The following SULF1 variants were observed in gnomAD, a reference collection of about 807,000 sequenced individuals.
The protein encoded by SULF1 is extracellular sulfatase Sulf-1.
In SULF1, 46 loss-of-function variants were observed where a neutral mutation model predicts 110.5. That is an observed-to-expected ratio of 0.42 (90% CI 0.33 to 0.53). SULF1 has a LOEUF of 0.53. SULF1 is among the 20% of genes least tolerant of loss of function. The pLI, the probability that SULF1 is intolerant of heterozygous loss-of-function variation, is 0.12. For missense variants in SULF1, 941 were observed against 1,094.2 expected, an observed-to-expected ratio of 0.86 and a Z score of 1.98; for synonymous variants, 371 against 387.1, an observed-to-expected ratio of 0.96 and a Z score of 0.49.
At chr8:69,497,771 G>C (rs1390627138) in intron 2 of SULF1, among the ~76,000 whole-genome samples, 1 of 152,168 alleles carries the variant, frequency 6.6e-6, no homozygotes, top group East Asian at 1.9e-4. Context: ...ACAACCAAGA[G>C]AGTTAAGTTC....
At chr8:69,547,956 C>A (rs1814401019) in intron 3 of SULF1, among the ~76,000 whole-genome samples, 1 of 152,098 alleles carries the variant, frequency 6.6e-6, no homozygotes, top group South Asian at 2.1e-4. Context: ...GTGCTTGGAA[C>A]TTAATCCAGC....
At chr8:69,572,870 C>T (rs1261647443) in intron 5 of SULF1, among the ~76,000 whole-genome samples, 1 of 152,192 alleles carries the variant, frequency 6.6e-6, no homozygotes, top group African/African-American at 2.4e-5. Context: ...CTTTGTCCCC[C>T]AGGCTGAAGT....
chr8:69,488,363 G>A (rs1273956996), upstream of SULF1, among the ~76,000 whole-genome samples: 1 of 152,156 alleles, frequency 6.6e-6, no homozygotes, highest in African/African-American at 2.4e-5. Context: ...TTTGCCTCTA[G>A]GCAGGACTAC....
At chr8:69,649,250 G>T (rs1812149218) in intron 22 of SULF1, among the ~76,000 whole-genome samples, 1 of 152,060 alleles carries the variant, frequency 6.6e-6, no homozygotes, top group Admixed American at 6.5e-5. Context: ...TTGCTTTATT[G>T]TTTTTTCTTG....
intron 3 of SULF1, among the ~76,000 whole-genome samples, chr8:69,504,068 G>A (rs1810997609): frequency 6.6e-6 from 1 of 152,064 alleles, no homozygotes; most frequent in African/African-American, 2.4e-5. Context: ...AAAGTGCTGG[G>A]ATTACAGGCG....
At position 69,660,182 on chromosome 8, in the gene SULF1, C is replaced by CT. The variant is rs544287044; in HGVS notation, c.*1653dup. The CT allele has an allele frequency of 2.6e-5, 4 of 152,098 alleles. No homozygotes were observed. In the East Asian group the frequency reaches 5.8e-4, roughly 22 times the overall value. The allele number at this position is 152,098 out of a possible 1,614,324, so 9.4% of individuals were successfully genotyped here. A position where few individuals can be genotyped will look rare whatever the true frequency, so the allele number is the denominator to read the frequency against. The stretch of plus-strand genomic sequence containing the variant: ...AGATCTAAAGATCTTTTATTTTCAT[C>CT]TTTTTTGGTTTTCTTGGCATGACTA... On this transcript the variant is annotated 3_prime_UTR_variant, in exon 23 of 23. Coordinates refer to ENST00000402687, the MANE Select transcript of SULF1 (RefSeq NM_001128205.2).
At chr8:69,569,489 A>AT (rs762420834) in intron 5 of SULF1, among the ~76,000 whole-genome samples, 2 of 152,228 alleles carry the variant, frequency 1.3e-5, no homozygotes, top group Non-Finnish European at 2.9e-5. Context: ...GGACACTGGG[A>AT]TCCCCCACTA....
intron 3 of SULF1, among the ~76,000 whole-genome samples, chr8:69,560,184 C>A (rs776212878): frequency 3.3e-5 from 5 of 152,136 alleles, no homozygotes; most frequent in Admixed American, 6.5e-5. Flanking sequence ...CTCTAGAGAC[C>A]TAGCACCAAG....
At chr8:69,627,182 T>C (rs372241003) in intron 15 of SULF1, 28 bp from the exon 16 acceptor site, 1 of 1,536,554 alleles carries the variant, frequency 6.5e-7, no homozygotes, top group African/African-American at 1.4e-5. Flanking sequence ...TATAAACCTA[T>C]TTCACATGGT....
rs542183949 is a variant in SULF1, at chr8:69,657,104, C to T, written c.2586-1401C>T. On this transcript the variant is annotated intron_variant, in intron 22 of 22. Coordinates refer to ENST00000402687, the MANE Select transcript of SULF1 (RefSeq NM_001128205.2). ...GGTTCTTTTATTTCATGGATTTATA[C>T]TATTTACAACCCTCCTGGTTTAAGA... Among the ~76,000 whole-genome samples the T allele has an allele frequency of 7.2e-5, 11 of 152,278 alleles. No homozygotes were observed. The South Asian group carries it at 2.1e-3, about 29-fold the overall frequency.
At chr8:69,491,923 C>A (rs879139533), upstream of SULF1, among the ~76,000 whole-genome samples, 3 of 151,478 alleles carry the variant, frequency 2.0e-5, no homozygotes, top group Non-Finnish European at 4.4e-5. Context: ...GTGGGGGAGG[C>A]GGGATTTGAA....
At chr8:69,486,331 A>G (rs2150548399) in intron 1 of SULF1, among the ~76,000 whole-genome samples, 2 of 152,274 alleles carry the variant, frequency 1.3e-5, no homozygotes, top group South Asian at 4.1e-4. Context: ...TTAAAAAAAA[A>G]AAATCACAAA....
chr8:69,514,132 C>A (rs1811763178), intron 3 of SULF1, among the ~76,000 whole-genome samples: 1 of 152,144 alleles, frequency 6.6e-6, no homozygotes, highest in Non-Finnish European at 1.5e-5. Flanking sequence ...GTATTCTACC[C>A]CAGATTGTAT....
intron 15 of SULF1, among the ~76,000 whole-genome samples, chr8:69,626,500 G>A (rs906007683): frequency 3.9e-5 from 6 of 152,254 alleles, no homozygotes; most frequent in Non-Finnish European, 8.8e-5. Flanking sequence ...TCAGCCCTTG[G>A]GTGGTCGATG....
At chr8:69,521,853 A>G (rs1282255507) in intron 3 of SULF1, among the ~76,000 whole-genome samples, 1 of 152,058 alleles carries the variant, frequency 6.6e-6, no homozygotes, top group East Asian at 1.9e-4. Flanking sequence ...AAAAAAAAAA[A>G]AAAAGAAACA....
At chr8:69,567,291 T>C (rs1369857085) in intron 5 of SULF1, among the ~76,000 whole-genome samples, 1 of 152,176 alleles carries the variant, frequency 6.6e-6, no homozygotes, top group Non-Finnish European at 1.5e-5. Context: ...TTTTCTGTAA[T>C]GTGCTCATAA....
chr8:69,625,348 C>T (rs192776020), intron 15 of SULF1, among the ~76,000 whole-genome samples: 1 of 152,346 alleles, frequency 6.6e-6, no homozygotes, highest in East Asian at 1.9e-4. Flanking sequence ...ACACCATCCA[C>T]CCATGTGACA....
In SULF1 at chr8:69,621,306, C is replaced by T. The variant is rs149613412; in HGVS notation, c.1594+55C>T. The T allele has an allele frequency of 8.1e-6, 11 of 1,353,920 alleles. No individual in the cohort carries two copies. The African/African-American group carries it at 1.4e-4, about 18-fold the overall frequency. 83.9% of individuals were successfully genotyped at this position (1,353,920 alleles called of 1,614,324 possible). A position where few individuals can be genotyped will look rare whatever the true frequency, so the allele number is the denominator to read the frequency against. ...GGTGGCCTAGGCCTGTGGGAATAAA[C>T]AATAGAGAGACGAAAGGGTTGCTCC... On this transcript the variant is annotated intron_variant, in intron 14 of 22. Transcript: ENST00000402687.
At chr8:69,601,245 G>A (rs780647176) in intron 9 of SULF1, among the ~76,000 whole-genome samples, 8 of 152,160 alleles carry the variant, frequency 5.3e-5, no homozygotes, top group African/African-American at 9.7e-5. Context: ...CAAACAAGAC[G>A]TGCCTCAGGC....
Sources: gnomAD v4.1 joint callset for allele counts (sites outside exome capture counted in the v4.1 genomes callset) on GRCh38, gnomAD v4.1.1 for gene constraint, MANE v1.5 for transcripts, NCBI Gene and HGNC (gene_info 2026-07-23, HGNC 2026-07-21) for gene names.